The following CASQ2 variants were observed in gnomAD, a reference collection of about 807,000 sequenced individuals.
CASQ2 encodes the protein calsequestrin 2.
In CASQ2, 49 loss-of-function variants were observed where a neutral mutation model predicts 46.5. The ratio of observed to expected loss-of-function variants is 1.05; its 90% confidence interval spans 0.84 to 1.34. The LOEUF (loss-of-function observed/expected upper bound fraction) is 1.34. Among genes scored for constraint, CASQ2 ranks in the 40% most tolerant of loss-of-function variants. The pLI, the probability that CASQ2 is intolerant of heterozygous loss-of-function variation, is 0.00. For missense variants in CASQ2, 486 were observed against 481.3 expected (o/e 1.01, Z -0.09); for synonymous variants, 174 against 168.5 (o/e 1.03, Z -0.25).
chr1:115,742,008 C>G (rs1648199563), intron 2 of CASQ2, among the ~76,000 whole-genome samples: 2 of 151,992 alleles, frequency 1.3e-5, no homozygotes, highest in African/African-American at 2.4e-5. Flanking sequence ...GGTAGAGGCA[C>G]CATTTGTAAA....
At chr1:115,738,991 C>A (rs1648064443) in intron 3 of CASQ2, among the ~76,000 whole-genome samples, 1 of 150,580 alleles carries the variant, frequency 6.6e-6, no homozygotes, top group Non-Finnish European at 1.5e-5. Flanking sequence ...TCTTTCTGTG[C>A]CTAGCTTATT....
At chr1:115,711,745 C>G (rs1654555441) in intron 8 of CASQ2, among the ~76,000 whole-genome samples, 1 of 151,848 alleles carries the variant, frequency 6.6e-6, no homozygotes, top group African/African-American at 2.4e-5. Flanking sequence ...ACCTCTGCCT[C>G]CCGGGTTCAA....
chr1:115,734,248 G>C (rs985843621), intron 4 of CASQ2, among the ~76,000 whole-genome samples: 1 of 152,226 alleles, frequency 6.6e-6, no homozygotes. Flanking sequence ...TAAGGAAGTA[G>C]AATGGCTAAA....
chr1:115,738,774 T>G (rs961416272), intron 3 of CASQ2, among the ~76,000 whole-genome samples: 4 of 152,178 alleles, frequency 2.6e-5, no homozygotes, highest in Non-Finnish European at 5.9e-5. Context: ...GTAATACATA[T>G]TATTCACTAT....
intron 2 of CASQ2, among the ~76,000 whole-genome samples, chr1:115,742,497 C>T (rs925926662): frequency 3.2e-4 from 48 of 152,088 alleles, no homozygotes; most frequent in Non-Finnish European, 3.7e-4. Context: ...CCTATAAACC[C>T]CCAGGGATCA....
At chr1:115,736,573 G>C (rs1647969844) in intron 4 of CASQ2, among the ~76,000 whole-genome samples, 1 of 152,034 alleles carries the variant, frequency 6.6e-6, no homozygotes, top group African/African-American at 2.4e-5. Flanking sequence ...GGAGGCAGAG[G>C]TTGCAGTGAG....
intron 7 of CASQ2, among the ~76,000 whole-genome samples, chr1:115,720,433 C>A (rs1400976272): frequency 6.6e-6 from 1 of 152,094 alleles, no homozygotes; most frequent in Non-Finnish European, 1.5e-5. Flanking sequence ...ACACCATTAC[C>A]TTGGGGGCTA....
At chr1:115,725,427 T>A in intron 7 of CASQ2, 81 bp downstream of exon 7, 2 of 1,521,074 alleles carry the variant, frequency 1.3e-6, no homozygotes, top group Non-Finnish European at 1.8e-6. Flanking sequence ...TGGTTTGAGT[T>A]TGGGGACTTA....
Position 115,740,806 on chromosome 1 carries a change from C to T in CASQ2, c.342G>A (p.Leu114=), listed in dbSNP as rs1399153364. 6 of 1,612,546 alleles carry T rather than the reference C, an allele frequency of 3.7e-6. No homozygotes were observed. The East Asian group carries it at 6.7e-5, about 18-fold the overall frequency. Residue 114 remains leucine (L), a synonymous_variant, in exon 3 of 11, where the codon CTG becomes CTA. Coordinates refer to ENST00000261448, the MANE Select transcript of CASQ2 (RefSeq NM_001232.4). ...KKLGFDEEGS[L]YILKGDRTIE... ...TTGTGCGATCACCCTTAAGAATATA[C>T]AGGCTTCCTTCTTCATCAAAACCTG...
In CASQ2 at chr1:115,752,983, G is replaced by C. The variant is rs558419852; in HGVS notation, c.235-8071C>G. Among the ~76,000 whole-genome samples the C allele has an allele frequency of 9.2e-5, 14 of 152,240 alleles. No individual in the cohort carries two copies. In the South Asian group the frequency reaches 2.7e-3, roughly 29 times the overall value. Reference sequence around the variant, plus strand: ...ACCTGGTAAGTCTTCCTTGGTTTTGGAGAGAAAAGGGAGAGAGATCAAAGA... The same window carrying C: ...ACCTGGTAAGTCTTCCTTGGTTTTGCAGAGAAAAGGGAGAGAGATCAAAGA... On this transcript the variant is annotated intron_variant, in intron 1 of 10. Transcript: ENST00000261448.
intron 1 of CASQ2, among the ~76,000 whole-genome samples, chr1:115,760,741 T>C (rs916097755): frequency 1.9e-4 from 29 of 152,190 alleles, no homozygotes; most frequent in African/African-American, 6.5e-4. Flanking sequence ...AAACTCCTTA[T>C]GTGGTTCTAA....
intron 6 of CASQ2, 134 bp downstream of exon 6, chr1:115,726,858 A>G (rs1489123527): frequency 1.3e-5 from 9 of 704,266 alleles, no homozygotes; most frequent in South Asian, 4.7e-5. Context: ...CAACAAAGCC[A>G]TACTACTGAG....
intron 8 of CASQ2, among the ~76,000 whole-genome samples, chr1:115,712,516 T>C (rs2101063458): frequency 6.6e-6 from 1 of 152,300 alleles, no homozygotes; most frequent in East Asian, 1.9e-4. Context: ...TTCGTCCCTG[T>C]ACTTTATCAT....
intron 1 of CASQ2, among the ~76,000 whole-genome samples, chr1:115,768,057 A>G (rs1462401844): frequency 2.0e-5 from 3 of 152,182 alleles, no homozygotes; most frequent in African/African-American, 7.2e-5. Flanking sequence ...AGGGGGCCAT[A>G]AAGACTTTAC....
chr1:115,706,175 C>T (rs529774070), intron 8 of CASQ2, among the ~76,000 whole-genome samples: 35 of 151,322 alleles, frequency 2.3e-4, no homozygotes, highest in South Asian at 6.3e-4. Context: ...TGTGTGCGTG[C>T]GTGTGTGTAT....
intron 4 of CASQ2, 64 bp downstream of exon 4, chr1:115,738,160 C>T (rs991880647): frequency 6.1e-6 from 6 of 976,822 alleles, no homozygotes; most frequent in Non-Finnish European, 1.0e-5. Context: ...TTTGGGGTAA[C>T]CTGACATACC....
At position 115,702,921 on chromosome 1, in the gene CASQ2, A is replaced by G; in HGVS notation, c.1014T>C (p.Asp338=). The change falls in exon 10 of 11, where the codon GAT becomes GAC. Residue 338 remains aspartate (D), a splice_region_variant and synonymous_variant. Transcript: ENST00000261448. ...RPQIGVVNVT[D]ADSVWMEIPD... ...GCAAGCCTTCACAGGGGATACTCAC[A>G]TCTGTGACATTCACCACCCCAATCT... 2.5e-6 allele frequency: 4 copies of G among 1,612,162 alleles called. No individual in the cohort carries two copies. Among genetic ancestry groups the G allele is most frequent in the Non-Finnish European group, 3.4e-6 (4 of 1,178,656 alleles).
intron 4 of CASQ2, among the ~76,000 whole-genome samples, chr1:115,734,955 C>G (rs1022522071): frequency 6.6e-6 from 1 of 152,206 alleles, no homozygotes; most frequent in Non-Finnish European, 1.5e-5. Flanking sequence ...TCTGAAAGCA[C>G]TGCACAAAAT....
chr1:115,709,782 C>A (rs1166625631), intron 8 of CASQ2, among the ~76,000 whole-genome samples: 1 of 152,198 alleles, frequency 6.6e-6, no homozygotes, highest in Non-Finnish European at 1.5e-5. Context: ...CAATTGAAAT[C>A]TCCTTTTTTT....
Sources: allele counts gnomAD v4.1 joint callset (sites outside exome capture counted in the v4.1 genomes callset), GRCh38; gene constraint gnomAD v4.1.1; transcripts MANE v1.5; gene names NCBI Gene and HGNC (gene_info 2026-07-23, HGNC 2026-07-21).